The following ARSF variants were observed in gnomAD, a reference collection of about 807,000 sequenced individuals.
The protein encoded by ARSF is arylsulfatase F.
A neutral mutation model predicts 35.4 loss-of-function variants in ARSF; 33 were observed. That is an observed-to-expected ratio of 0.93 (90% CI 0.71 to 1.25). The LOEUF (loss-of-function observed/expected upper bound fraction) is 1.25. Ranked by LOEUF, ARSF falls within the 50% of genes most tolerant of loss-of-function variation. The pLI, the probability that ARSF is intolerant of heterozygous loss-of-function variation, is 0.00. For missense variants in ARSF, 501 were observed against 480.2 expected (o/e 1.04, Z -0.40); for synonymous variants, 222 against 193.1 (o/e 1.15, Z -1.24).
chrX:3,068,249 C>A, intron 2 of ARSF, 138 bp downstream of exon 2: 1 of 524,250 alleles, frequency 1.9e-6, no homozygotes, highest in Non-Finnish European at 2.9e-6. Context: ...TTTCTTGTAA[C>A]CTACTATGAG....
chrX:3,049,129 C>T (rs190458261), intron 1 of ARSF, among the ~76,000 whole-genome samples: 138 of 112,552 alleles, frequency 1.2e-3, no homozygotes, highest in African/African-American at 4.2e-3. Flanking sequence ...TGAGAACATG[C>T]GCCCAATGTG....
chrX:3,110,371 C>T (rs2090437238), intron 10 of ARSF, 119 bp downstream of exon 10: 1 of 816,717 alleles, frequency 1.2e-6, no homozygotes, highest in Admixed American at 4.3e-5. Flanking sequence ...GCTCACTGAA[C>T]ACATGGTTTT....
chrX:3,094,001 T>C (rs1297343895), intron 7 of ARSF, among the ~76,000 whole-genome samples: 1 of 111,901 alleles, frequency 8.9e-6, no homozygotes, highest in Non-Finnish European at 1.9e-5. Context: ...ATGGATACAT[T>C]GAAAGTAATG....
chrX:3,110,362 C>T, intron 10 of ARSF, 110 bp downstream of exon 10: 1 of 838,338 alleles, frequency 1.2e-6, no homozygotes, highest in Non-Finnish European at 1.6e-6. Flanking sequence ...CATTCCAGGG[C>T]TCACTGAACA....
At position 3,110,241 on chromosome X, in the gene ARSF, C is replaced by A; in HGVS notation, c.1379C>A (p.Pro460His). The change falls in exon 10 of 11, where the codon CCC becomes CAC. Residue 460 changes from proline (P) to histidine (H), a missense_variant. By Grantham distance (77) the Pro-to-His change is moderately conservative. Transcript: ENST00000381127. ...GSYLHAVRWI[P>H]KDDSGSVWKA... The stretch of plus-strand genomic sequence containing the variant: ...TACCTGCACGCCGTGCGGTGGATCC[C>A]CAAGGACGACAGTGAGTGCTCAACC... 3.4e-6 allele frequency: 4 copies of A among 1,179,925 alleles called. No individual in the cohort carries two copies. The highest frequency in any genetic ancestry group is 4.6e-6 in the Non-Finnish European group (4 of 878,139).
At chrX:3,091,709 CT>C (rs1603464812) in intron 7 of ARSF, among the ~76,000 whole-genome samples, 3 of 111,706 alleles carry the variant, frequency 2.7e-5, no homozygotes, top group African/African-American at 9.7e-5. Flanking sequence ...GTGTGTGTGT[CT>C]GTGTCTGTAG....
intron 7 of ARSF, among the ~76,000 whole-genome samples, chrX:3,092,196 C>G (rs1346998003): frequency 9.1e-6 from 1 of 109,535 alleles, no homozygotes. Flanking sequence ...TACATACATA[C>G]ATACATACAT....
At chrX:3,070,963 G>GTGTC (rs2090099463) in intron 2 of ARSF, among the ~76,000 whole-genome samples, 1 of 95,396 alleles carries the variant, frequency 1.0e-5, no homozygotes, top group African/African-American at 3.8e-5. Context: ...GTGTGTGTGT[G>GTGTC]TGTGTGTGTA....
At chrX:3,070,823 A>G (rs752982313) in intron 2 of ARSF, among the ~76,000 whole-genome samples, 4 of 110,810 alleles carry the variant, frequency 3.6e-5, no homozygotes, top group Non-Finnish European at 5.7e-5. Flanking sequence ...GAGAACATAC[A>G]ATGTTTGGTT....
At chrX:3,071,724 C>T (rs1038688165) in intron 2 of ARSF, among the ~76,000 whole-genome samples, 7 of 111,954 alleles carry the variant, frequency 6.3e-5, no homozygotes, top group Admixed American at 4.8e-4. Context: ...CTGTTTTCCA[C>T]AGCGCTTGTA....
At chrX:3,106,230 G>A (rs915315754) in intron 9 of ARSF, among the ~76,000 whole-genome samples, 2 of 112,071 alleles carry the variant, frequency 1.8e-5, no homozygotes, top group African/African-American at 6.5e-5. Flanking sequence ...AGAATATCGC[G>A]AAGATGACTA....
intron 1 of ARSF, among the ~76,000 whole-genome samples, chrX:3,063,139 G>A (rs1018918038): frequency 8.9e-6 from 1 of 111,774 alleles, no homozygotes; most frequent in Non-Finnish European, 1.9e-5. Context: ...GGGATGCAAG[G>A]CTGGTTCAAC....
intron 1 of ARSF, among the ~76,000 whole-genome samples, chrX:3,065,881 T>C (rs1434680024): frequency 1.8e-5 from 2 of 110,616 alleles, no homozygotes; most frequent in Non-Finnish European, 3.8e-5. Flanking sequence ...GGAGGATTGC[T>C]TGAGCCCAGG....
In ARSF at chrX:3,112,434, C is replaced by A. The variant is rs1290098876; in HGVS notation, c.1651C>A (p.Gln551Lys). Reference sequence around the variant, plus strand: ...GGAAACCATCGTGCCTGTGACCTACCAACTCTCAGAACTGAATCAGGGCAG... The same window carrying A: ...GGAAACCATCGTGCCTGTGACCTACAAACTCTCAGAACTGAATCAGGGCAG... The part of the protein sequence containing the change: ...HQETIVPVTY[Q>K]LSELNQGRTW... Residue 551 changes from glutamine (Q) to lysine (K), a missense_variant, in exon 11 of 11, where the codon CAA becomes AAA. Physicochemically the swap from Gln to Lys is moderately conservative, Grantham distance 53. Transcript: ENST00000381127. The A allele has an allele frequency of 3.3e-6, 4 of 1,211,571 alleles. No homozygotes were observed. Among genetic ancestry groups the A allele is most frequent in the Admixed American group, 4.4e-5 (2 of 45,975 alleles).
intron 8 of ARSF, among the ~76,000 whole-genome samples, chrX:3,102,775 A>G (rs1161521159): frequency 9.0e-6 from 1 of 110,715 alleles, no homozygotes; most frequent in East Asian, 2.9e-4. Context: ...AGCTGGGCAT[A>G]GTGGCGGACA....
chrX:3,089,127 A>G (rs779801160), intron 6 of ARSF, among the ~76,000 whole-genome samples: 1 of 112,178 alleles, frequency 8.9e-6, no homozygotes, highest in South Asian at 3.8e-4. Context: ...GATCTGTGCG[A>G]TTCTAGAACA....
At chrX:3,074,756 C>T (rs1250625548) in intron 3 of ARSF, among the ~76,000 whole-genome samples, 2 of 111,262 alleles carry the variant, frequency 1.8e-5, no homozygotes, top group Non-Finnish European at 3.8e-5. Context: ...TGCAACAGAT[C>T]TCTTAAATTT....
At chrX:3,100,093 G>C (rs2090365509) in intron 7 of ARSF, among the ~76,000 whole-genome samples, 1 of 111,715 alleles carries the variant, frequency 9.0e-6, no homozygotes, top group Non-Finnish European at 1.9e-5. Context: ...TTGGAAATGT[G>C]GTTTATTTTG....
chrX:3,045,360 G>A (rs1274614190), intron 1 of ARSF, among the ~76,000 whole-genome samples: 1 of 111,164 alleles, frequency 9.0e-6, no homozygotes, highest in Admixed American at 9.6e-5. Flanking sequence ...GCAGCAGAGC[G>A]GGGTCCTGGA....
Sources: allele counts gnomAD v4.1 joint callset (sites outside exome capture counted in the v4.1 genomes callset), GRCh38; gene constraint gnomAD v4.1.1; transcripts MANE v1.5; gene names NCBI Gene and HGNC (gene_info 2026-07-23, HGNC 2026-07-21).